Variants in RPTOR observed in about 807,000 individuals in gnomAD.
RPTOR encodes regulatory-associated protein of mTOR.
Under a neutral mutation model 169.9 loss-of-function variants are expected in RPTOR, and 21 were observed. The observed-to-expected ratio is 0.12, with a 90% confidence interval of 0.09 to 0.18. RPTOR has a LOEUF of 0.18. RPTOR is among the 10% of genes least tolerant of loss of function. RPTOR has a pLI of 1.00. For missense variants in RPTOR, 1,133 were observed against 1,855.9 expected (o/e 0.61, Z 7.16); for synonymous variants, 732 against 753.2 (o/e 0.97, Z 0.46).
chr17:80,624,533 G>T (rs527336114), intron 1 of RPTOR, among the ~76,000 whole-genome samples: 2 of 152,242 alleles, frequency 1.3e-5, no homozygotes, highest in East Asian at 3.9e-4. Context: ...AATTAATGTA[G>T]TACTAGTAGA....
At chr17:80,849,481 A>G (rs1189796182) in intron 11 of RPTOR, among the ~76,000 whole-genome samples, 1 of 152,180 alleles carries the variant, frequency 6.6e-6, no homozygotes, top group Non-Finnish European at 1.5e-5. Context: ...GGAAGATACA[A>G]TGTTTAAAAA....
chr17:80,578,112 C>T (rs374012784), intron 1 of RPTOR, among the ~76,000 whole-genome samples: 2 of 152,068 alleles, frequency 1.3e-5, no homozygotes, highest in Admixed American at 6.6e-5. Flanking sequence ...ATTCAAGGTG[C>T]GTGGCTGAGA....
intron 6 of RPTOR, among the ~76,000 whole-genome samples, chr17:80,770,377 G>A (rs912081940): frequency 6.6e-6 from 1 of 152,188 alleles, no homozygotes; most frequent in Admixed American, 6.5e-5. Context: ...TCTGGGAAAT[G>A]AAAGCCTGTT....
chr17:80,641,015 G>T lies in RPTOR; in HGVS notation c.266-2713G>T, dbSNP rs143359230. Among the ~76,000 whole-genome samples the T allele has an allele frequency of 2.6e-5, 4 of 152,346 alleles. No homozygotes were observed. The East Asian group carries it at 5.8e-4, about 22-fold the overall frequency. On this transcript the variant is annotated intron_variant, in intron 2 of 33. Coordinates refer to ENST00000306801, the MANE Select transcript of RPTOR (RefSeq NM_020761.3). ...TCCTCCTCATGCATGCGGCAAGGTC[G>T]CTCTTTGGCATCTGTTTGTTAAAGC...
chr17:80,673,394 G>A (rs2065836860), intron 3 of RPTOR, among the ~76,000 whole-genome samples: 1 of 152,210 alleles, frequency 6.6e-6, no homozygotes, highest in African/African-American at 2.4e-5. Context: ...TTGGATGCGA[G>A]CAATGAGCAG....
At chr17:80,946,499 C>T (rs913446202) in intron 26 of RPTOR, among the ~76,000 whole-genome samples, 18 of 152,220 alleles carry the variant, frequency 1.2e-4, no homozygotes, top group African/African-American at 3.9e-4. Flanking sequence ...TTCCTGCATC[C>T]GCCTGAGCCA....
chr17:80,946,504 G>A (rs1249398291), intron 26 of RPTOR, among the ~76,000 whole-genome samples: 1 of 152,220 alleles, frequency 6.6e-6, no homozygotes, highest in Non-Finnish European at 1.5e-5. Context: ...GCATCCGCCT[G>A]AGCCAGTGTT....
At chr17:80,676,680 A>G (rs1478875284) in intron 3 of RPTOR, among the ~76,000 whole-genome samples, 1 of 152,218 alleles carries the variant, frequency 6.6e-6, no homozygotes, top group Non-Finnish European at 1.5e-5. Context: ...AACCAAAAGT[A>G]AAGTAGCAGG....
chr17:80,720,852 G>A (rs1047855091), intron 4 of RPTOR, among the ~76,000 whole-genome samples: 2 of 151,498 alleles, frequency 1.3e-5, no homozygotes, highest in Non-Finnish European at 2.9e-5. Flanking sequence ...TGCTGCGGCC[G>A]CTTCTGCTGC....
chr17:80,592,036 T>G (rs753224235), intron 1 of RPTOR, among the ~76,000 whole-genome samples: 7 of 152,236 alleles, frequency 4.6e-5, no homozygotes, highest in Non-Finnish European at 8.8e-5. Flanking sequence ...TCCTCAGCTT[T>G]CTTTCTTCTC....
chr17:80,616,296 A>ATATTTT (rs1409395643), intron 1 of RPTOR, among the ~76,000 whole-genome samples: 2 of 101,786 alleles, frequency 2.0e-5, no homozygotes, highest in African/African-American at 4.1e-5. Context: ...AAAATTGAAA[A>ATATTTT]TCTTTTTTTT....
chr17:80,963,131 G>A (rs923667470), intron 33 of RPTOR, 74 bp downstream of exon 33: 23 of 1,359,704 alleles, frequency 1.7e-5, no homozygotes, highest in Admixed American at 1.4e-4. Flanking sequence ...GGACAAGGCA[G>A]CAGGGGTCCT....
intron 13 of RPTOR, among the ~76,000 whole-genome samples, chr17:80,864,937 C>A (rs570379743): frequency 6.6e-4 from 101 of 152,368 alleles, no homozygotes; most frequent in Non-Finnish European, 1.1e-3. Context: ...AAGCCATCCT[C>A]CTGCCTCAGC....
chr17:80,835,992 C>T (rs1386996940), intron 9 of RPTOR, among the ~76,000 whole-genome samples: 1 of 152,146 alleles, frequency 6.6e-6, no homozygotes, highest in Non-Finnish European at 1.5e-5. Context: ...TTGTGTCAGC[C>T]GCTCTACGAG....
At chr17:80,693,224 T>C (rs930116247) in intron 3 of RPTOR, among the ~76,000 whole-genome samples, 26 of 152,204 alleles carry the variant, frequency 1.7e-4, no homozygotes, top group Admixed American at 2.6e-4. Flanking sequence ...AGTCACAGGA[T>C]GTGTAGCAGG....
intron 24 of RPTOR, among the ~76,000 whole-genome samples, chr17:80,929,884 G>A (rs946063966): frequency 4.6e-5 from 7 of 152,090 alleles, no homozygotes; most frequent in African/African-American, 1.7e-4. Flanking sequence ...GTTTTGTTTT[G>A]TTTTTCTCCT....
chr17:80,920,849 G>C (rs2068736756), intron 21 of RPTOR, among the ~76,000 whole-genome samples: 1 of 152,232 alleles, frequency 6.6e-6, no homozygotes. Context: ...TCGAAAACTT[G>C]CTTTTCTCTT....
intron 1 of RPTOR, among the ~76,000 whole-genome samples, chr17:80,578,021 G>A (rs539343942): frequency 6.6e-6 from 1 of 152,342 alleles, no homozygotes; most frequent in Non-Finnish European, 1.5e-5. Context: ...TCCAGACTGA[G>A]GGCGGAGATA....
intron 3 of RPTOR, among the ~76,000 whole-genome samples, chr17:80,688,315 A>G (rs1052546283): frequency 1.3e-5 from 2 of 152,230 alleles, no homozygotes; most frequent in African/African-American, 2.4e-5. Context: ...ACGGAGGCAC[A>G]AAGAAGGTGA....
Sources: allele counts gnomAD v4.1 joint callset (sites outside exome capture counted in the v4.1 genomes callset), GRCh38; gene constraint gnomAD v4.1.1; transcripts MANE v1.5; gene names NCBI Gene and HGNC (gene_info 2026-07-23, HGNC 2026-07-21).